NEDD9: variants seen among roughly 807,000 people sequenced by gnomAD.
NEDD9 encodes enhancer of filamentation 1.
NEDD9 carries 26 observed loss-of-function variants against 76.6 expected under a neutral mutation model. The observed-to-expected ratio is 0.34, with a 90% CI of 0.25 to 0.47. The LOEUF (loss-of-function observed/expected upper bound fraction) is 0.47. Among genes scored for constraint, NEDD9 ranks in the 20% least tolerant of loss-of-function variants. NEDD9 has a pLI of 1.00. For synonymous variants in NEDD9, 392 were observed against 414.2 expected (o/e 0.95, Z 0.65); for missense variants, 937 against 1,058.5 (o/e 0.89, Z 1.59).
chr6:11,376,250 T>C (rs1762967566), intron 1 of NEDD9, among the ~76,000 whole-genome samples: 1 of 151,980 alleles, frequency 6.6e-6, no homozygotes, highest in South Asian at 2.1e-4. Flanking sequence ...TAACTGAAAA[T>C]GTGGAAGTGA....
chr6:11,322,392 T>C (rs1761827794), intron 2 of NEDD9, among the ~76,000 whole-genome samples: 1 of 151,720 alleles, frequency 6.6e-6, no homozygotes, highest in Admixed American at 6.6e-5. Flanking sequence ...GCTTTGGTCC[T>C]GGCACCTGAG....
At chr6:11,374,066 CTA>C (rs35562815) in intron 1 of NEDD9, among the ~76,000 whole-genome samples, 17 of 149,662 alleles carry the variant, frequency 1.1e-4, no homozygotes, top group Non-Finnish European at 2.2e-4. Flanking sequence ...CTCTCTCTCT[CTA>C]TATATATATG....
At chr6:11,219,706 G>A (rs1366379270) in intron 1 of NEDD9, among the ~76,000 whole-genome samples, 1 of 152,244 alleles carries the variant, frequency 6.6e-6, no homozygotes, top group Non-Finnish European at 1.5e-5. Context: ...AAAGGCTCAC[G>A]TGCTTTTGTG....
intron 3 of NEDD9, among the ~76,000 whole-genome samples, chr6:11,260,894 CTGTGTGTGTG>C (rs34568873): frequency 4.7e-5 from 7 of 148,808 alleles, no homozygotes; most frequent in African/African-American, 1.2e-4. Context: ...GTGTGTGAGC[CTGTGTGTGTG>C]TGTGTGTGTG....
chr6:11,353,666 G>C (rs1762512820), intron 1 of NEDD9, among the ~76,000 whole-genome samples: 1 of 152,218 alleles, frequency 6.6e-6, no homozygotes. Flanking sequence ...CTACTAGTTA[G>C]AGTCCATAGG....
chr6:11,229,481 C>G (rs1759405156), intron 1 of NEDD9, among the ~76,000 whole-genome samples: 1 of 152,072 alleles, frequency 6.6e-6, no homozygotes, highest in African/African-American at 2.4e-5. Flanking sequence ...CCTTCCATCA[C>G]CCTCCTGGGA....
chr6:11,289,704 G>A (rs1360034699), intron 3 of NEDD9, among the ~76,000 whole-genome samples: 2 of 152,152 alleles, frequency 1.3e-5, no homozygotes, highest in Non-Finnish European at 2.9e-5. Flanking sequence ...GCCTGCCTCA[G>A]CTTCCCAAAG....
In NEDD9 at chr6:11,183,946, G is replaced by A. The variant is rs1340314336; in HGVS notation, c.*1216C>T. The A allele has an allele frequency of 6.6e-6, 1 of 152,214 alleles. No homozygotes were observed. 9.4% of individuals were successfully genotyped at this position (152,214 alleles called of 1,614,324 possible). ...TGTCTGTGCTGTGTCAATACTAACA[G>A]ATGTGAGGAGACAGACTATGGAATG... On this transcript the variant is annotated 3_prime_UTR_variant, in exon 7 of 7. Transcript: ENST00000379446.
upstream of NEDD9, among the ~76,000 whole-genome samples, chr6:11,235,237 G>A (rs536911471): frequency 1.3e-5 from 2 of 151,798 alleles, no homozygotes; most frequent in South Asian, 4.2e-4. The surrounding 1 kb of genome is among the most constrained non-coding windows in gnomAD (Gnocchi z 4.1). Flanking sequence ...TGACATTATT[G>A]CTATATTCTA....
intron 3 of NEDD9, among the ~76,000 whole-genome samples, chr6:11,273,563 C>T (rs963749490): frequency 2.0e-5 from 3 of 152,212 alleles, no homozygotes; most frequent in African/African-American, 4.8e-5. Context: ...ACACAGTCCC[C>T]GCCTGTGGTC....
At chr6:11,349,444 A>T (rs1339020487) in intron 1 of NEDD9, among the ~76,000 whole-genome samples, 1 of 152,238 alleles carries the variant, frequency 6.6e-6, no homozygotes, top group Non-Finnish European at 1.5e-5. Context: ...AATAGAAATC[A>T]TTCCATCATA....
At chr6:11,359,908 G>A (rs967366529) in intron 1 of NEDD9, among the ~76,000 whole-genome samples, 7 of 152,330 alleles carry the variant, frequency 4.6e-5, no homozygotes, top group South Asian at 2.1e-4. Flanking sequence ...TTGAAGTGGC[G>A]TGGTTGACAG....
At chr6:11,223,267 CCT>C (rs1470721524) in intron 1 of NEDD9, among the ~76,000 whole-genome samples, 4 of 152,116 alleles carry the variant, frequency 2.6e-5, no homozygotes, top group African/African-American at 7.2e-5. Context: ...GCCTTTTGTG[CCT>C]CTGTTTCCCT....
intron 3 of NEDD9, among the ~76,000 whole-genome samples, chr6:11,291,577 A>T (rs1232716467): frequency 6.6e-6 from 1 of 152,140 alleles, no homozygotes; most frequent in Non-Finnish European, 1.5e-5. Flanking sequence ...CCCGGCCAGA[A>T]TGAGATTTTT....
chr6:11,350,825 G>T (rs984903817), intron 1 of NEDD9, among the ~76,000 whole-genome samples: 1 of 152,158 alleles, frequency 6.6e-6, no homozygotes, highest in African/African-American at 2.4e-5. Flanking sequence ...CATAGCGTAG[G>T]TAAACACTCG....
intron 1 of NEDD9, among the ~76,000 whole-genome samples, chr6:11,368,284 A>G (rs1193575362): frequency 1.3e-5 from 2 of 152,248 alleles, no homozygotes; most frequent in Non-Finnish European, 2.9e-5. Flanking sequence ...AATAAAATAA[A>G]CATAATTTAA....
intron 2 of NEDD9, among the ~76,000 whole-genome samples, chr6:11,311,327 G>A (rs1761360020): frequency 6.6e-6 from 1 of 152,228 alleles, no homozygotes; most frequent in Non-Finnish European, 1.5e-5. Context: ...TCCTTATAAA[G>A]AGGAGCAATA....
intron 3 of NEDD9, among the ~76,000 whole-genome samples, chr6:11,303,620 C>T (rs528324819): frequency 1.3e-5 from 2 of 152,154 alleles, no homozygotes; most frequent in Admixed American, 1.3e-4. Flanking sequence ...ATATATAGAT[C>T]AATGGAACAG....
intron 2 of NEDD9, chr6:11,328,652 AAAGCT>A (rs1469177800): frequency 6.6e-6 from 1 of 152,276 alleles, no homozygotes; most frequent in Admixed American, 6.5e-5. Context: ...AACTTGAGCT[AAAGCT>A]AAAGGCCGGT....
Sources: gnomAD v4.1 joint callset for allele counts (sites outside exome capture counted in the v4.1 genomes callset) on GRCh38, gnomAD v4.1.1 for gene constraint, Gnocchi (gnomAD v3.1) non-coding constraint, MANE v1.5 for transcripts, NCBI Gene and HGNC (gene_info 2026-07-23, HGNC 2026-07-21) for gene names.